OGA: variants seen among roughly 807,000 people sequenced by gnomAD.
The protein encoded by OGA is protein O-GlcNAcase.
OGA carries 21 observed loss-of-function variants against 102.0 expected under a neutral mutation model. The observed-to-expected ratio is 0.21, with a 90% CI of 0.15 to 0.30. OGA has a LOEUF of 0.30. Among genes scored for constraint, OGA ranks in the 10% least tolerant of loss-of-function variants. The probability of loss-of-function intolerance (pLI) is 1.00; values close to 1 mark genes in which losing one functional copy is unlikely to be tolerated. For missense variants in OGA, 765 were observed against 1,107.8 expected (o/e 0.69, Z 4.39); for synonymous variants, 408 against 378.2 (o/e 1.08, Z -0.91).
rs749970410 is a variant in OGA at position 101,787,534 on chromosome 10, T to C, written c.2455-11A>G. ...ACTCAACATTATTTTCTGGAAAAAT[T>C]AGAATCTCTTGACTTTCACAATAGT... On this transcript the variant is annotated splice_polypyrimidine_tract_variant and intron_variant, in intron 14 of 15. Coordinates refer to ENST00000361464, the MANE Select transcript of OGA (RefSeq NM_012215.5). The C allele has an allele frequency of 4.4e-6, 7 of 1,601,266 alleles. No individual in the cohort carries two copies. Among genetic ancestry groups the C allele is most frequent in the East Asian group, 2.2e-5 (1 of 44,646 alleles).
intron 7 of OGA, among the ~76,000 whole-genome samples, chr10:101,803,523 C>T (rs1400376275): frequency 6.6e-6 from 1 of 151,298 alleles, no homozygotes; most frequent in Non-Finnish European, 1.5e-5. Context: ...CTCAACCTTT[C>T]TTCTATCATA....
chr10:101,797,970 G>A lies in OGA; in HGVS notation c.1984+10C>T. On this transcript the variant is annotated intron_variant, in intron 10 of 15. Coordinates refer to ENST00000361464, the MANE Select transcript of OGA (RefSeq NM_012215.5). ...ATTTGAGGAGAAGAGATTATTCCTG[G>A]TGCACCTACCTAACCACTGTACAAA... The A allele has an allele frequency of 6.2e-7, 1 of 1,608,314 alleles. No individual in the cohort carries two copies.
intron 3 of OGA, among the ~76,000 whole-genome samples, chr10:101,810,532 C>G (rs2065541080): frequency 6.6e-6 from 1 of 152,200 alleles, no homozygotes; most frequent in South Asian, 2.1e-4. Flanking sequence ...ATAGTTTTCA[C>G]ACCTTTGAAA....
At chr10:101,812,886 T>G in intron 3 of OGA, 144 bp downstream of exon 3, 1 of 736,428 alleles carries the variant, frequency 1.4e-6, no homozygotes, top group South Asian at 1.5e-5. Flanking sequence ...CAATCTCAGC[T>G]AACTGAATAG....
chr10:101,809,500 A>G (rs576344572), intron 4 of OGA, among the ~76,000 whole-genome samples: 1 of 152,070 alleles, frequency 6.6e-6, no homozygotes, highest in Non-Finnish European at 1.5e-5. Flanking sequence ...TGAATCACCT[A>G]AAGTCAGGAG....
At chr10:101,793,845 G>T in intron 11 of OGA, 68 bp downstream of exon 11, 1 of 1,177,244 alleles carries the variant, frequency 8.5e-7, no homozygotes. Flanking sequence ...CCAGCCATCT[G>T]ATGCGCAACA....
intron 2 of OGA, 125 bp downstream of exon 2, chr10:101,813,430 A>C: frequency 1.5e-6 from 1 of 662,374 alleles, no homozygotes; most frequent in Non-Finnish European, 2.5e-6. Context: ...CCAAGGTAAA[A>C]TAACTTCTGC....
At position 101,817,913 on chromosome 10, in the gene OGA, G is replaced by T. The variant is rs1400862980; in HGVS notation, c.110C>A (p.Pro37His). ...AGCCCCGGCGGGGTTGTCTTCTCCG[G>T]GTGCCGGAGCTGCCGGCGGCTCCAG... ...ASLEPPAAPA[P>H]GEDNPAGAGG... The change falls in exon 1 of 16, where the codon CCC becomes CAC. Residue 37 changes from proline (P) to histidine (H), a missense_variant. Pro to His is a moderately conservative substitution (Grantham distance 77). Around this residue, in one of 7 missense-constraint regions of OGA, gnomAD observed 117 missense variants for 85.7 expected, o/e 1.36. Transcript: ENST00000361464. 2 of 1,573,224 alleles carry T rather than the reference G, an allele frequency of 1.3e-6. No individual in the cohort carries two copies. The highest frequency in any genetic ancestry group is 3.6e-5 in the Admixed American group (2 of 55,662).
chr10:101,792,089 G>A (rs578250315), intron 12 of OGA, among the ~76,000 whole-genome samples: 3 of 152,016 alleles, frequency 2.0e-5, no homozygotes, highest in Non-Finnish European at 4.4e-5. Context: ...CATGATCTCG[G>A]CTTACTGCAA....
At chr10:101,810,426 C>T in intron 3 of OGA, 112 bp from the exon 4 acceptor site, 2 of 1,020,468 alleles carry the variant, frequency 2.0e-6, no homozygotes, top group Non-Finnish European at 2.8e-6. Context: ...AGGAAAAGAT[C>T]CTCACATTTT....
chr10:101,788,453 C>T (rs1051957220), intron 14 of OGA, among the ~76,000 whole-genome samples: 1 of 149,980 alleles, frequency 6.7e-6, no homozygotes, highest in Non-Finnish European at 1.5e-5. Flanking sequence ...AGTTTTCTGG[C>T]CAGGCGTGGT....
At chr10:101,807,660 G>GGC (rs1160191411) in intron 5 of OGA, 70 bp downstream of exon 5, 3 of 1,079,466 alleles carry the variant, frequency 2.8e-6, no homozygotes, top group Non-Finnish European at 3.7e-6. Context: ...GAGAGAATGG[G>GGC]GCCCATGGTC....
At chr10:101,793,838 G>C in intron 11 of OGA, 75 bp downstream of exon 11, 2 of 1,086,366 alleles carry the variant, frequency 1.8e-6, no homozygotes, top group Non-Finnish European at 2.8e-6. Flanking sequence ...AATCCTTCCA[G>C]CCATCTGATG....
chr10:101,788,308 G>A (rs1184164776), intron 14 of OGA, among the ~76,000 whole-genome samples: 4 of 151,324 alleles, frequency 2.6e-5, no homozygotes, highest in East Asian at 1.9e-4. Context: ...TCATGGCGGC[G>A]TGCGCCTGTA....
chr10:101,805,636 C>G (rs965784816), intron 6 of OGA, among the ~76,000 whole-genome samples: 3 of 120,350 alleles, frequency 2.5e-5, no homozygotes, highest in African/African-American at 9.8e-5. Flanking sequence ...GCCTGGGCAA[C>G]AAGAGCAATG....
intron 14 of OGA, among the ~76,000 whole-genome samples, chr10:101,788,780 T>G (rs1356381594): frequency 2.0e-5 from 3 of 151,840 alleles, no homozygotes; most frequent in South Asian, 4.2e-4. Context: ...TGGTATTGGA[T>G]CCTGGAACAG....
At chr10:101,813,358 A>G (rs2065582540) in intron 2 of OGA, among the ~76,000 whole-genome samples, 197 bp downstream of exon 2, 1 of 152,218 alleles carries the variant, frequency 6.6e-6, no homozygotes, top group African/African-American at 2.4e-5. Flanking sequence ...GTGAAGCCCA[A>G]AACTTATTCA....
intron 7 of OGA, among the ~76,000 whole-genome samples, chr10:101,802,284 G>A (rs547658841): frequency 1.3e-5 from 2 of 152,200 alleles, no homozygotes; most frequent in South Asian, 2.1e-4. Flanking sequence ...ACTCTCTCCC[G>A]TGTTCACACA....
At chr10:101,790,669 T>C (rs917544256) in intron 14 of OGA, among the ~76,000 whole-genome samples, 3 of 152,176 alleles carry the variant, frequency 2.0e-5, no homozygotes, top group Admixed American at 2.0e-4. Flanking sequence ...AATATTACAA[T>C]AGTACTCCCA....
Sources: allele counts gnomAD v4.1 joint callset (sites outside exome capture counted in the v4.1 genomes callset), GRCh38; gene constraint gnomAD v4.1.1; regional missense constraint gnomAD v4.1.1; transcripts MANE v1.5; gene names NCBI Gene and HGNC (gene_info 2026-07-23, HGNC 2026-07-21).